CCDC69: variants seen among roughly 807,000 people sequenced by gnomAD.
CCDC69 encodes the protein coiled-coil domain-containing protein 69.
CCDC69 carries 38 observed loss-of-function variants against 40.3 expected under a neutral mutation model. That is an observed-to-expected ratio of 0.94 (90% confidence interval 0.73 to 1.24). The LOEUF is 1.24. Ranked by LOEUF, CCDC69 falls within the 50% of genes most tolerant of loss-of-function variation. The pLI, the probability that CCDC69 is intolerant of heterozygous loss-of-function variation, is 0.00. For synonymous variants in CCDC69, 141 were observed against 138.9 expected (o/e 1.02, Z -0.11); for missense variants, 389 against 357.9 (o/e 1.09, Z -0.70).
intron 4 of CCDC69, among the ~76,000 whole-genome samples, chr5:151,194,625 T>C (rs1752668502): frequency 6.6e-6 from 1 of 152,166 alleles, no homozygotes; most frequent in African/African-American, 2.4e-5. Flanking sequence ...CAGGGCGCGG[T>C]GGCTTACACC....
rs1364148984 is a variant in CCDC69 at position 151,184,364 on chromosome 5, G to A, written c.693C>T (p.Arg231=). ...QENEDLHVRS[R]NQVVLSRQLS... ...GCTACCTTGACAGGACCACCTGGTT[G>A]CGGCTTCGGACATGGAGGTCCTCAT... The change falls in exon 8 of 9, where the codon CGC becomes CGT. Residue 231 remains arginine, a synonymous_variant. Transcript: ENST00000355417. 4 of 1,613,942 alleles carry A rather than the reference G, an allele frequency of 2.5e-6. No individual in the cohort carries two copies. Among genetic ancestry groups the A allele is most frequent in the South Asian group, 2.2e-5 (2 of 91,082 alleles).
chr5:151,205,382 G>C lies in CCDC69; in HGVS notation c.124+18C>G. On this transcript the variant is annotated intron_variant, in intron 2 of 8. Transcript: ENST00000355417. ...CTCACAGATGGCAGTTGGGGCCTTT[G>C]TGGGGCTGGCTACTCACCTGTGTCC... 1 of 1,605,724 alleles carries C rather than the reference G, an allele frequency of 6.2e-7. No homozygotes were observed. The highest frequency in any genetic ancestry group is 1.1e-5 in the South Asian group (1 of 90,896).
intron 8 of CCDC69, 125 bp downstream of exon 8, chr5:151,184,219 C>T (rs540002733): frequency 2.9e-6 from 2 of 696,648 alleles, no homozygotes; most frequent in South Asian, 3.6e-5. Flanking sequence ...AGAGGAGCCA[C>T]ATTCCCTAAA....
At chr5:151,200,643 G>C (rs1055358832) in intron 3 of CCDC69, among the ~76,000 whole-genome samples, 2 of 152,290 alleles carry the variant, frequency 1.3e-5, no homozygotes, top group African/African-American at 4.8e-5. Context: ...TGAGGAAAAG[G>C]AAATCCTGGG....
chr5:151,204,045 T>C (rs370627951), intron 2 of CCDC69, among the ~76,000 whole-genome samples: 1 of 151,462 alleles, frequency 6.6e-6, no homozygotes, highest in Non-Finnish European at 1.5e-5. Flanking sequence ...TTTTTCTTTT[T>C]CTGAGACAGG....
At chr5:151,218,415 G>A (rs1753083908) in intron 1 of CCDC69, among the ~76,000 whole-genome samples, 1 of 152,226 alleles carries the variant, frequency 6.6e-6, no homozygotes, top group African/African-American at 2.4e-5. Flanking sequence ...CAGCCGTGTG[G>A]ACGGAAGCCC....
In CCDC69 at chr5:151,215,649, C is replaced by T. The variant is rs1458409940; in HGVS notation, c.48+8274G>A. The T allele has an allele frequency of 1.6e-5, 7 of 425,770 alleles. No homozygotes were observed. In the Admixed American group the frequency reaches 1.7e-4, roughly 10 times the overall value. The allele number at this position is 425,770 out of a possible 1,614,324, so 26.4% of individuals were successfully genotyped here. A position where few individuals can be genotyped will look rare whatever the true frequency, so the allele number is the denominator to read the frequency against. On this transcript the variant is annotated intron_variant, in intron 1 of 8. Coordinates refer to ENST00000355417, the MANE Select transcript of CCDC69 (RefSeq NM_015621.3). ...ACACCATCCCCTGTTCTTCAGCAGACAGTGTAAGGGTGGTTGTAAAAGAGA... is the reference window on the plus strand; with the variant it reads ...ACACCATCCCCTGTTCTTCAGCAGATAGTGTAAGGGTGGTTGTAAAAGAGA...
intron 4 of CCDC69, among the ~76,000 whole-genome samples, chr5:151,188,290 G>T (rs1443621654): frequency 6.6e-6 from 1 of 152,146 alleles, no homozygotes; most frequent in Admixed American, 6.5e-5. Context: ...AAAGAGCCAG[G>T]TATCTGGCAG....
intron 1 of CCDC69, chr5:151,212,919 C>T (rs936096754): frequency 1.1e-5 from 5 of 455,952 alleles, no homozygotes; most frequent in East Asian, 7.0e-5. Context: ...GGTGGGGAAT[C>T]GTGGTGGAAG....
chr5:151,183,413 C>T lies in CCDC69; in HGVS notation c.*24G>A, dbSNP rs377468928. The T allele has an allele frequency of 3.3e-5, 52 of 1,589,266 alleles. No individual in the cohort carries two copies. Among genetic ancestry groups the T allele is most frequent in the Middle Eastern group, 1.7e-4 (1 of 6,058 alleles). ...TGGAAGGAGCTGTGACTTCAGGCGT[C>T]GTGGTGGGCCCAGGCCCTGCACCCT... On this transcript the variant is annotated 3_prime_UTR_variant, in exon 9 of 9. Coordinates refer to ENST00000355417, the MANE Select transcript of CCDC69 (RefSeq NM_015621.3).
intron 4 of CCDC69, among the ~76,000 whole-genome samples, chr5:151,193,210 T>C (rs958831851): frequency 1.1e-4 from 17 of 152,106 alleles, no homozygotes; most frequent in African/African-American, 4.1e-4. Flanking sequence ...ATCCACTATA[T>C]TAACCATCTA....
intron 4 of CCDC69, among the ~76,000 whole-genome samples, chr5:151,196,560 C>T (rs1201342155): frequency 1.3e-5 from 2 of 152,132 alleles, no homozygotes; most frequent in Admixed American, 6.5e-5. Context: ...ATTTCAGTAA[C>T]ATCAGTAATA....
rs1017663756 is a variant in CCDC69, at chr5:151,182,379, T to G, written c.*1058A>C. 10 of 152,544 alleles carry G rather than the reference T, an allele frequency of 6.6e-5. No homozygotes were observed. The highest frequency in any genetic ancestry group is 1.7e-4 in the African/African-American group (7 of 41,380). 9.4% of individuals were successfully genotyped at this position (152,544 alleles called of 1,614,324 possible). A position where few individuals can be genotyped will look rare whatever the true frequency, so the allele number is the denominator to read the frequency against. On this transcript the variant is annotated 3_prime_UTR_variant, in exon 9 of 9. Coordinates refer to ENST00000355417, the MANE Select transcript of CCDC69 (RefSeq NM_015621.3). Reference sequence around the variant, plus strand: ...GATGGGGAAGCTGAGCACCAGGTTGTAAAAGCCTGGGCCTGGGATCAGGGG... The same window carrying G: ...GATGGGGAAGCTGAGCACCAGGTTGGAAAAGCCTGGGCCTGGGATCAGGGG...
At chr5:151,223,518 C>T (rs1181620743) in intron 1 of CCDC69, among the ~76,000 whole-genome samples, 2 of 152,244 alleles carry the variant, frequency 1.3e-5, no homozygotes, top group Non-Finnish European at 2.9e-5. Flanking sequence ...GAACACTCTT[C>T]GAGCAGCCCT....
rs754659361 is a variant in CCDC69, at chr5:151,183,491, A to G, written c.837T>C (p.Pro279=). 25 of 1,607,376 alleles carry G rather than the reference A, an allele frequency of 1.6e-5. No individual in the cohort carries two copies. The South Asian group carries it at 2.6e-4, about 17-fold the overall frequency. The change falls in exon 9 of 9, where the codon CCT becomes CCC. Residue 279 remains proline (P), a synonymous_variant. Transcript: ENST00000355417. ...LYRVLGANAS[P]AFPLAPVTPT... ...GAGTGACAGGGGCCAGAGGGAAGGC[A>G]GGCGAGGCATTGGCCCCAAGGACCC... is the stretch of plus-strand genomic sequence containing the variant.
Position 151,181,893 on chromosome 5 carries a change from C to T in CCDC69, c.*1544G>A, listed in dbSNP as rs1367975478. The T allele has an allele frequency of 6.6e-6, 1 of 152,326 alleles. No homozygotes were observed. The highest frequency in any genetic ancestry group is 2.4e-5 in the African/African-American group (1 of 41,422). 9.4% of individuals were successfully genotyped at this position (152,326 alleles called of 1,614,324 possible). A position where few individuals can be genotyped will look rare whatever the true frequency, so the allele number is the denominator to read the frequency against. ...TGGCTGGAGAATCAGCACAGCACTCCCCTAGCCTCACCTCTTCCCCCATTT... is the reference window on the plus strand; with the variant it reads ...TGGCTGGAGAATCAGCACAGCACTCTCCTAGCCTCACCTCTTCCCCCATTT... On this transcript the variant is annotated 3_prime_UTR_variant, in exon 9 of 9. Transcript: ENST00000355417.
At chr5:151,198,291 G>GATCGATCGATCT (rs1376552656) in intron 4 of CCDC69, among the ~76,000 whole-genome samples, 2 of 141,824 alleles carry the variant, frequency 1.4e-5, no homozygotes, top group Non-Finnish European at 1.6e-5. Flanking sequence ...GAATGAGATT[G>GATCGATCGATCT]ATCTATCTAT....
At chr5:151,220,848 T>C (rs1753124853) in intron 1 of CCDC69, among the ~76,000 whole-genome samples, 1 of 151,934 alleles carries the variant, frequency 6.6e-6, no homozygotes. Context: ...CTGTTGGGGA[T>C]AGGAAGGCCC....
chr5:151,184,346 T>C lies in CCDC69; in HGVS notation c.711A>G (p.Ser237=), dbSNP rs749335470. 5.6e-6 allele frequency: 9 copies of C among 1,613,072 alleles called. No individual in the cohort carries two copies. Among genetic ancestry groups the C allele is most frequent in the Non-Finnish European group, 6.8e-6 (8 of 1,179,414 alleles). ...HVRSRNQVVL[S]RQLSEDLLLT... is the part of the protein sequence containing the mutation. ...AAAGGAGGCAGGAAGACAGCTACCT[T>C]GACAGGACCACCTGGTTGCGGCTTC... Residue 237 remains serine, a splice_region_variant and synonymous_variant, in exon 8 of 9, where the codon TCA becomes TCG. Coordinates refer to ENST00000355417, the MANE Select transcript of CCDC69 (RefSeq NM_015621.3).
Sources: allele counts gnomAD v4.1 joint callset (sites outside exome capture counted in the v4.1 genomes callset), GRCh38; gene constraint gnomAD v4.1.1; transcripts MANE v1.5; gene names NCBI Gene and HGNC (gene_info 2026-07-23, HGNC 2026-07-21).